The following C1orf159 variants were observed in gnomAD, a reference collection of about 807,000 sequenced individuals.
The protein encoded by C1orf159 is chromosome 1 open reading frame 159, also known as uncharacterized protein C1orf159.
In C1orf159, 19 loss-of-function variants were observed where a neutral mutation model predicts 25.6. That is an observed-to-expected ratio of 0.74 (90% CI 0.52 to 1.09). The LOEUF is 1.09. Among genes scored for constraint, C1orf159 ranks in the 50% least tolerant of loss-of-function variants. The pLI, the probability that C1orf159 is intolerant of heterozygous loss-of-function variation, is 0.00. For missense variants in C1orf159, 274 were observed against 290.6 expected (o/e 0.94, Z 0.42); for synonymous variants, 139 against 124.7 (o/e 1.12, Z -0.77).
rs925189414 is a variant in C1orf159 at position 1,087,943 on chromosome 1, G to A, written c.149-346C>T. 2.7e-5 allele frequency among the ~76,000 whole-genome samples: 4 copies of A among 150,770 alleles called. No individual in the cohort carries two copies. Among genetic ancestry groups the A allele is most frequent in the African/African-American group, 7.3e-5 (3 of 40,854 alleles). The stretch of plus-strand genomic sequence containing the variant: ...AGTACTCCACGCTGCACTCCACGCC[G>A]AGCACCCCGGCCCTGAGCACCCCGA... On this transcript the variant is annotated intron_variant, in intron 4 of 9. Transcript: ENST00000421241. The surrounding 1 kb of genome is among the most constrained non-coding windows in gnomAD (Gnocchi z 8.3).
At chr1:1,099,048 G>A (rs941139290) in intron 1 of C1orf159, among the ~76,000 whole-genome samples, 7 of 152,248 alleles carry the variant, frequency 4.6e-5, no homozygotes, top group African/African-American at 1.7e-4. Flanking sequence ...CTCCGACTAT[G>A]ATTGTGGGTT....
rs1013295160 is a variant in C1orf159 at position 1,089,440 on chromosome 1, C to A, written c.148+913G>T. On this transcript the variant is annotated intron_variant, in intron 4 of 9. Transcript: ENST00000421241. This position sits in a 1 kb window ranked among gnomAD's most constrained non-coding sequence, Gnocchi z 7.5. ...CAAGGTGCTCAGCTTCCTCCCAGCC[C>A]CTCTGTTCTCCCTCAGAGCGGTGCC... Among the ~76,000 whole-genome samples the A allele has an allele frequency of 2.0e-5, 3 of 152,126 alleles. No individual in the cohort carries two copies. The highest frequency in any genetic ancestry group is 7.2e-5 in the African/African-American group (3 of 41,412).
intron 2 of C1orf159, 22 bp from the exon 3 acceptor site, chr1:1,091,587 G>C: frequency 6.6e-7 from 1 of 1,525,028 alleles, no homozygotes; most frequent in Non-Finnish European, 8.9e-7. Flanking sequence ...AGGAGCATGC[G>C]GAGCCAAAGA....
chr1:1,108,686 T>C (rs1477115907), intron 1 of C1orf159, among the ~76,000 whole-genome samples: 1 of 71,916 alleles, frequency 1.4e-5, no homozygotes, highest in Non-Finnish European at 2.6e-5. Flanking sequence ...ACAGCCACCA[T>C]GTCTCAGCAC....
Position 1,090,414 on chromosome 1 carries a change from C to G in C1orf159, c.87G>C (p.Glu29Asp). The change falls in exon 4 of 10, where the codon GAG becomes GAC. Residue 29 changes from glutamate (E) to aspartate (D), a missense_variant. By Grantham distance (45) the Glu-to-Asp change is conservative (BLOSUM62 2). Transcript: ENST00000421241. ...TGACGCCCACCACATCCACACAGCACTCGGGCAGCTGGGCCTGGAGGGGAC... is the reference window on the plus strand; with the variant it reads ...TGACGCCCACCACATCCACACAGCAGTCGGGCAGCTGGGCCTGGAGGGGAC... ...KSMENTAQLP[E>D]CCVDVVGVNA... 6.4e-7 allele frequency: 1 copy of G among 1,550,518 alleles called. No individual in the cohort carries two copies. Among genetic ancestry groups the G allele is most frequent in the Non-Finnish European group, 8.7e-7 (1 of 1,146,948 alleles).
At chr1:1,086,210 C>T (rs538558058) in intron 6 of C1orf159, among the ~76,000 whole-genome samples, 198 bp from the exon 7 acceptor site, 3 of 152,350 alleles carry the variant, frequency 2.0e-5, no homozygotes, top group Non-Finnish European at 2.9e-5. Context: ...GGCATCTGGC[C>T]GCGGGGTCTG....
chr1:1,097,008 G>C (rs71628929), intron 1 of C1orf159, among the ~76,000 whole-genome samples: 8,878 of 152,244 alleles, frequency 0.058, 316 homozygotes, highest in South Asian at 0.12. Flanking sequence ...CAAAGTGCTG[G>C]GATTACAGGT....
At chr1:1,093,769 T>C (rs886833744) in intron 1 of C1orf159, among the ~76,000 whole-genome samples, 1 of 152,182 alleles carries the variant, frequency 6.6e-6, no homozygotes, top group African/African-American at 2.4e-5. Context: ...TCCTGGCACA[T>C]GTCATCATGT....
chr1:1,101,438 G>A (rs376734992), intron 1 of C1orf159, among the ~76,000 whole-genome samples: 21 of 152,132 alleles, frequency 1.4e-4, no homozygotes, highest in African/African-American at 4.6e-4. Flanking sequence ...AGCTGAGACT[G>A]TACCACTGCA....
intron 7 of C1orf159, among the ~76,000 whole-genome samples, chr1:1,084,800 G>A (rs1645803433): frequency 6.6e-6 from 1 of 152,140 alleles, no homozygotes; most frequent in Non-Finnish European, 1.5e-5. Flanking sequence ...CTCAGCAGAG[G>A]GGACAAGCCC....
intron 1 of C1orf159, among the ~76,000 whole-genome samples, chr1:1,114,394 G>A (rs557807310): frequency 2.6e-5 from 4 of 152,252 alleles, no homozygotes; most frequent in African/African-American, 9.6e-5. Flanking sequence ...GCCCAGACTG[G>A]TCTCAAGCGA....
At chr1:1,103,888 T>C (rs9329410) in intron 1 of C1orf159, among the ~76,000 whole-genome samples, 36,349 of 152,064 alleles carry the variant, frequency 0.24, 5,871 homozygotes, top group African/African-American at 0.46. Context: ...GACTGTGTTG[T>C]CCAGGCTGGT....
intron 4 of C1orf159, among the ~76,000 whole-genome samples, chr1:1,088,516 C>T (rs1035495430): frequency 6.6e-6 from 1 of 150,722 alleles, no homozygotes; most frequent in African/African-American, 2.4e-5. Flanking sequence ...TCCCCCGGGT[C>T]TCTCTCGGGG....
chr1:1,084,112 G>A (rs1645789108), intron 9 of C1orf159: 1 of 1,583,964 alleles, frequency 6.3e-7, no homozygotes, highest in Admixed American at 1.7e-5. Flanking sequence ...GAGCATGGAA[G>A]TCACGGGGAT....
At position 1,084,038 on chromosome 1, in the gene C1orf159, G is replaced by A. The variant is rs1645787079; in HGVS notation, c.502+315C>T. The A allele has an allele frequency of 3.7e-6, 6 of 1,608,098 alleles. No individual in the cohort carries two copies. In the Admixed American group the frequency reaches 6.8e-5, roughly 18 times the overall value. ...TGGACTTCAAGGAGGAGCAGGTATT[G>A]GGGGTCTGCCCTGTCGTGGTGGGTC... On this transcript the variant is annotated intron_variant, in intron 9 of 9. Transcript: ENST00000421241.
Position 1,087,302 on chromosome 1 carries a change from G to T in C1orf159, c.245-98C>A. ...GATCTCAGGACGGAAATATGAAAGCGAGGGGCTGAGGGGGCGGAGCAGCCC... is the reference window on the plus strand; with the variant it reads ...GATCTCAGGACGGAAATATGAAAGCTAGGGGCTGAGGGGGCGGAGCAGCCC... On this transcript the variant is annotated intron_variant, in intron 5 of 9. Transcript: ENST00000421241. The surrounding 1 kb of genome is among the most constrained non-coding windows in gnomAD (Gnocchi z 8.3). 6 of 1,297,654 alleles carry T rather than the reference G, an allele frequency of 4.6e-6. No individual in the cohort carries two copies. Among genetic ancestry groups the T allele is most frequent in the Non-Finnish European group, 4.2e-6 (4 of 956,622 alleles). The allele number at this position is 1,297,654 out of a possible 1,614,324, so 80.4% of individuals were successfully genotyped here. A position where few individuals can be genotyped will look rare whatever the true frequency, so the allele number is the denominator to read the frequency against.
chr1:1,107,759 A>G (rs957786417), intron 1 of C1orf159, among the ~76,000 whole-genome samples: 3 of 152,198 alleles, frequency 2.0e-5, no homozygotes, highest in African/African-American at 7.2e-5. Flanking sequence ...CTTCCACACT[A>G]TGGAAGCTTT....
At chr1:1,104,399 C>T (rs773632805) in intron 1 of C1orf159, among the ~76,000 whole-genome samples, 1 of 152,210 alleles carries the variant, frequency 6.6e-6, no homozygotes, top group Non-Finnish European at 1.5e-5. Flanking sequence ...TTGCTTCCTC[C>T]AAGTCAAAAC....
In C1orf159 at chr1:1,087,514, C is replaced by T. The variant is rs374125094; in HGVS notation, c.232G>A (p.Glu78Lys). Residue 78 changes from glutamate (E) to lysine (K), a missense_variant, in exon 5 of 10, where the codon GAG (glutamate) becomes AAG (lysine). Physicochemically the swap from Glu to Lys is moderately conservative, Grantham distance 56. Transcript: ENST00000421241. This position sits in a 1 kb window ranked among gnomAD's most constrained non-coding sequence, Gnocchi z 8.3. ...NGTLPAYNGSECRSFAGPGAP... is the reference protein window; with the variant it reads ...NGTLPAYNGSKCRSFAGPGAP... ...CGGGCAGACCTACAGCTTCTACACT[C>T]GGAGCCGTTGTAGGCTGGGAGGGTT... 8.4e-6 allele frequency: 13 copies of T among 1,549,432 alleles called. No homozygotes were observed. The highest frequency in any genetic ancestry group is 4.9e-5 in the East Asian group (2 of 40,890).
Sources: allele counts gnomAD v4.1 joint callset (sites outside exome capture counted in the v4.1 genomes callset), GRCh38; gene constraint gnomAD v4.1.1; non-coding constraint Gnocchi (gnomAD v3.1); transcripts MANE v1.5; gene names NCBI Gene and HGNC (gene_info 2026-07-23, HGNC 2026-07-21).